NSUN4: variants seen among roughly 807,000 people sequenced by gnomAD.
The protein encoded by NSUN4 is 5-cytosine rRNA methyltransferase NSUN4.
In NSUN4, 31 loss-of-function variants were observed where a neutral mutation model predicts 43.8. The ratio of observed to expected loss-of-function variants is 0.71; its 90% CI spans 0.53 to 0.96. The LOEUF (loss-of-function observed/expected upper bound fraction) is 0.96, where lower values mean the gene tolerates loss of function less well. Among genes scored for constraint, NSUN4 ranks in the 40% least tolerant of loss-of-function variants. NSUN4 has a pLI of 0.00. For synonymous variants in NSUN4, 167 were observed against 184.1 expected, an observed-to-expected ratio of 0.91 and a Z score of 0.75; for missense variants, 439 against 475.6, an observed-to-expected ratio of 0.92 and a Z score of 0.72.
rs1662046931 is a variant in NSUN4, at chr1:46,340,909, A to C, written c.83A>C (p.Lys28Thr). 1.2e-6 allele frequency: 2 copies of C among 1,613,292 alleles called. No homozygotes were observed. The highest frequency in any genetic ancestry group is 1.7e-6 in the Non-Finnish European group (2 of 1,179,566). Reference sequence around the variant, plus strand: ...ACGGTCCCGCGGAGACATCGATATAAGAAGAAATGGGTAAGGTCCGGCTGG... The same window carrying C: ...ACGGTCCCGCGGAGACATCGATATACGAAGAAATGGGTAAGGTCCGGCTGG... ...LATVPRRHRY[K>T]KKWAATEPKF... The change falls in exon 1 of 6, where the codon AAG (lysine) becomes ACG (threonine). Residue 28 changes from lysine (K) to threonine (T), a missense_variant. Transcript: ENST00000474844.
In NSUN4 at chr1:46,363,634, G is replaced by A. The variant is rs1391760385; in HGVS notation, c.*1788G>A. The A allele has an allele frequency of 6.6e-6, 1 of 152,524 alleles. No homozygotes were observed. The highest frequency in any genetic ancestry group is 2.4e-5 in the African/African-American group (1 of 41,428). 9.4% of individuals were successfully genotyped at this position (152,524 alleles called of 1,614,324 possible). On this transcript the variant is annotated 3_prime_UTR_variant, in exon 6 of 6. Transcript: ENST00000474844. The stretch of plus-strand genomic sequence containing the variant: ...ATAAATCCTAGAGAAACTCATACAT[G>A]TACACCAGGAGATGTGTACAAGAAT...
intron 4 of NSUN4, among the ~76,000 whole-genome samples, chr1:46,356,025 A>AC (rs1328222807): frequency 1.3e-5 from 2 of 152,086 alleles, no homozygotes; most frequent in East Asian, 3.9e-4. Context: ...AAAAAAAAAA[A>AC]AAAACTAGTT....
At position 46,348,537 on chromosome 1, in the gene NSUN4, AC is replaced by A. The variant is rs1662693867; in HGVS notation, c.592+1466del. 5.3e-5 allele frequency among the ~76,000 whole-genome samples: 8 copies of A among 151,712 alleles called. No homozygotes were observed. The South Asian group carries it at 1.5e-3, about 28-fold the overall frequency. On this transcript the variant is annotated intron_variant, in intron 3 of 5. Coordinates refer to ENST00000474844, the MANE Select transcript of NSUN4 (RefSeq NM_199044.4). ...AGACAAGCCTGGCTAACATGGTAAAACCCCGTTTCTATTAAAAATACAAAAA... is the reference window on the plus strand; with the variant it reads ...AGACAAGCCTGGCTAACATGGTAAAACCCGTTTCTATTAAAAATACAAAAA...
chr1:46,385,067 A>G, the NSUN4 span, among the ~76,000 whole-genome samples: 1 of 152,216 alleles, frequency 6.6e-6, no homozygotes, highest in Non-Finnish European at 1.5e-5. Flanking sequence ...TTTTTAGACC[A>G]AAGAAAGCCA....
chr1:46,368,656 G>A (rs1664190211), downstream of NSUN4, among the ~76,000 whole-genome samples: 1 of 152,208 alleles, frequency 6.6e-6, no homozygotes, highest in African/African-American at 2.4e-5. Flanking sequence ...TTTTAAGCCA[G>A]TAAGTTTTGG....
chr1:46,360,997 A>G (rs1408011662), intron 5 of NSUN4, among the ~76,000 whole-genome samples, 169 bp downstream of exon 5: 1 of 152,092 alleles, frequency 6.6e-6, no homozygotes, highest in Non-Finnish European at 1.5e-5. Flanking sequence ...CCCTATTTGA[A>G]TTAGCTGGGT....
chr1:46,343,881 G>A, intron 1 of NSUN4: 1 of 399,930 alleles, frequency 2.5e-6, no homozygotes, highest in Non-Finnish European at 4.4e-6. Context: ...AACATAGCAG[G>A]AGCCAGAGCA....
At chr1:46,371,344 C>T in the NSUN4 span, among the ~76,000 whole-genome samples, 5 of 139,812 alleles carry the variant, frequency 3.6e-5, no homozygotes, top group Non-Finnish European at 6.1e-5. Flanking sequence ...CTTGCTCTGT[C>T]GCCCAAGCTG....
chr1:46,348,881 C>G (rs1467140318), intron 3 of NSUN4, among the ~76,000 whole-genome samples: 1 of 129,066 alleles, frequency 7.7e-6, no homozygotes, highest in Non-Finnish European at 1.6e-5. Flanking sequence ...GTGGCACGAT[C>G]TTAGCTCAAT....
At chr1:46,346,299 C>T (rs1231056433) in intron 2 of NSUN4, among the ~76,000 whole-genome samples, 3 of 150,596 alleles carry the variant, frequency 2.0e-5, no homozygotes, top group Non-Finnish European at 4.4e-5. Flanking sequence ...CCTGTAATCC[C>T]AGCACTTTGG....
the NSUN4 span, among the ~76,000 whole-genome samples, chr1:46,376,734 G>A: frequency 6.6e-6 from 1 of 151,930 alleles, no homozygotes; most frequent in Admixed American, 6.6e-5. Flanking sequence ...GTGTGTGTGT[G>A]TGTGTGTGTG....
chr1:46,351,102 A>G (rs1433500162), intron 3 of NSUN4, among the ~76,000 whole-genome samples: 2 of 152,194 alleles, frequency 1.3e-5, no homozygotes, highest in African/African-American at 2.4e-5. Context: ...GTGGTGGCTC[A>G]CACCTGTAAT....
downstream of NSUN4, among the ~76,000 whole-genome samples, chr1:46,366,904 A>G (rs540095202): frequency 6.6e-6 from 1 of 152,280 alleles, no homozygotes; most frequent in Non-Finnish European, 1.5e-5. Flanking sequence ...GTATTGGGGC[A>G]GTTATGGGTC....
the NSUN4 span, among the ~76,000 whole-genome samples, chr1:46,374,366 T>G: frequency 6.6e-6 from 1 of 151,256 alleles, no homozygotes; most frequent in Non-Finnish European, 1.5e-5. Context: ...TCCCAGCATT[T>G]TGGGAGTCTG....
chr1:46,376,052 G>A, the NSUN4 span, among the ~76,000 whole-genome samples: 182 of 125,972 alleles, frequency 1.4e-3, 4 homozygotes, highest in African/African-American at 5.2e-3. Flanking sequence ...GCAGTGAGCC[G>A]AGATCGCGCC....
chr1:46,344,963 G>A lies in NSUN4; in HGVS notation c.256G>A (p.Val86Ile), dbSNP rs1662380268. 6.2e-7 allele frequency: 1 copy of A among 1,614,232 alleles called. No individual in the cohort carries two copies. The highest frequency in any genetic ancestry group is 1.1e-5 in the South Asian group (1 of 91,090). ...CAATAACTTTGCTGCCTGGGATCAT[G>A]TAAGTGCTAAGCTGGAGCAGCTGAG... ...LVNNFAAWDH[V>I]SAKLEQLSAK... The change falls in exon 2 of 6, where the codon GTA becomes ATA. Residue 86 changes from valine to isoleucine, a missense_variant. By Grantham distance (29) the Val-to-Ile change is conservative (BLOSUM62 3). Transcript: ENST00000474844.
the NSUN4 span, among the ~76,000 whole-genome samples, chr1:46,377,198 T>A: frequency 6.6e-6 from 1 of 151,882 alleles, no homozygotes; most frequent in Admixed American, 6.6e-5. Context: ...TACAGGTGTG[T>A]GCCACCACAC....
intron 4 of NSUN4, among the ~76,000 whole-genome samples, chr1:46,356,675 A>G (rs1183056875): frequency 6.7e-6 from 1 of 150,312 alleles, no homozygotes; most frequent in African/African-American, 2.4e-5. Context: ...CCTGGGAGAC[A>G]GCGAGATTCC....
intron 3 of NSUN4, among the ~76,000 whole-genome samples, chr1:46,348,989 A>G (rs1662761941): frequency 6.7e-6 from 1 of 150,312 alleles, no homozygotes; most frequent in Admixed American, 6.6e-5. Context: ...TAATTTTTGT[A>G]TTTTTAGTAG....
Sources: gnomAD v4.1 joint callset for allele counts (sites outside exome capture counted in the v4.1 genomes callset) on GRCh38, gnomAD v4.1.1 for gene constraint, MANE v1.5 for transcripts, NCBI Gene and HGNC (gene_info 2026-07-23, HGNC 2026-07-21) for gene names.